Variants in SYTL3 observed in about 807,000 individuals in gnomAD.
The protein encoded by SYTL3 is synaptotagmin like 3.
A neutral mutation model predicts 82.1 loss-of-function variants in SYTL3; 88 were observed. The ratio of observed to expected loss-of-function variants is 1.07; its 90% CI spans 0.90 to 1.28. The LOEUF (loss-of-function observed/expected upper bound fraction) is 1.28. Ranked by LOEUF, SYTL3 falls within the 50% of genes most tolerant of loss-of-function variation. The pLI is 0.00. For missense variants in SYTL3, 831 were observed against 757.6 expected, an observed-to-expected ratio of 1.10 and a Z score of -1.14; for synonymous variants, 311 against 289.4, an observed-to-expected ratio of 1.07 and a Z score of -0.76.
intron 2 of SYTL3, among the ~76,000 whole-genome samples, chr6:158,657,014 G>A (rs891502977): frequency 2.6e-5 from 4 of 152,182 alleles, no homozygotes; most frequent in African/African-American, 7.2e-5. Context: ...ATTTAAATCT[G>A]TAAAGGTTCA....
At chr6:158,710,514 CAA>C (rs36071364) in intron 8 of SYTL3, among the ~76,000 whole-genome samples, 125 of 145,292 alleles carry the variant, frequency 8.6e-4, no homozygotes, top group Admixed American at 1.8e-3. Context: ...AGTCAGTTTT[CAA>C]AAAAAAAAAA....
At chr6:158,731,794 C>T (rs1432199465) in intron 11 of SYTL3, among the ~76,000 whole-genome samples, 1 of 152,114 alleles carries the variant, frequency 6.6e-6, no homozygotes, top group Non-Finnish European at 1.5e-5. Flanking sequence ...GGGGTTTCAC[C>T]GTGTTAGCCA....
chr6:158,698,431 C>T (rs1054984666), intron 6 of SYTL3, among the ~76,000 whole-genome samples: 1 of 149,702 alleles, frequency 6.7e-6, no homozygotes, highest in Admixed American at 6.6e-5. Flanking sequence ...GACTCCTGCT[C>T]TAAAACCATT....
At chr6:158,671,443 A>G (rs1200539726) in intron 5 of SYTL3, among the ~76,000 whole-genome samples, 1 of 152,158 alleles carries the variant, frequency 6.6e-6, no homozygotes, top group Non-Finnish European at 1.5e-5. Flanking sequence ...TAGCCAAGAC[A>G]GTTTAGCATC....
chr6:158,762,690 G>T (rs900305504), intron 16 of SYTL3, among the ~76,000 whole-genome samples: 2 of 152,192 alleles, frequency 1.3e-5, no homozygotes, highest in African/African-American at 4.8e-5. Context: ...GCTGAGGCAG[G>T]TGGATCACCT....
At chr6:158,665,730 C>A in intron 5 of SYTL3, 117 bp downstream of exon 5, 1 of 708,136 alleles carries the variant, frequency 1.4e-6, no homozygotes, top group South Asian at 2.2e-5. Flanking sequence ...AAATGTGTAC[C>A]GAGTGCCTGA....
At chr6:158,658,938 AG>A (rs964956600) in intron 2 of SYTL3, among the ~76,000 whole-genome samples, 5 of 152,124 alleles carry the variant, frequency 3.3e-5, no homozygotes, top group African/African-American at 7.2e-5. Context: ...TCAAAAAAAG[AG>A]GGTATGTCTC....
At chr6:158,763,155 T>C in intron 16 of SYTL3, 149 bp from the exon 17 acceptor site, 1 of 740,276 alleles carries the variant, frequency 1.4e-6, no homozygotes, top group Non-Finnish European at 2.3e-6. Context: ...TGCCGAGTCC[T>C]GTGGTTCCCA....
chr6:158,729,571 T>C (rs1020886256), intron 11 of SYTL3, among the ~76,000 whole-genome samples: 11 of 149,292 alleles, frequency 7.4e-5, no homozygotes, highest in African/African-American at 2.2e-4. Context: ...TTTTTCTTTT[T>C]TTTTTTTTTT....
rs180863611 is a variant in SYTL3 at position 158,761,530 on chromosome 6, G to A, written c.1415-546G>A. On this transcript the variant is annotated intron_variant, in intron 15 of 17. Transcript: ENST00000611299. ...TCACCATGTTAGCCAGGATGGTCTC[G>A]ATCTCCTGACCTCATGATCCGCCCA... Among the ~76,000 whole-genome samples, 24 of 151,944 alleles carry A rather than the reference G, an allele frequency of 1.6e-4. No individual in the cohort carries two copies. In the East Asian group the frequency reaches 4.3e-3, roughly 27 times the overall value.
intron 6 of SYTL3, among the ~76,000 whole-genome samples, chr6:158,695,898 AT>A (rs1780509026): frequency 1.3e-5 from 2 of 152,190 alleles, no homozygotes; most frequent in Non-Finnish European, 2.9e-5. Context: ...TGTGTCATGG[AT>A]ATACCATGCT....
rs575358067 is a variant in SYTL3 at position 158,693,855 on chromosome 6, C to CTTTTTTTTTTTTT, written c.394+10872_394+10884dup. Among the ~76,000 whole-genome samples, 5 of 96,858 alleles carry CTTTTTTTTTTTTT rather than the reference C, an allele frequency of 5.2e-5. 1 individual carries two copies. The highest frequency in any genetic ancestry group is 2.1e-4 in the African/African-American group (4 of 18,620). 63.5% of individuals were successfully genotyped at this position (96,858 alleles called of 152,430 possible). A position where few individuals can be genotyped will look rare whatever the true frequency, so the allele number is the denominator to read the frequency against. ...TGCATCCAGCCTTTCTTTTTCTTTT[C>CTTTTTTTTTTTTT]TTTTTTTTTTTTTTTTTTGTAGATA... On this transcript the variant is annotated intron_variant, in intron 6 of 17. Transcript: ENST00000611299.
chr6:158,730,880 T>G (rs1229574677), intron 11 of SYTL3, among the ~76,000 whole-genome samples: 2 of 151,674 alleles, frequency 1.3e-5, no homozygotes, highest in Non-Finnish European at 2.9e-5. Context: ...AGGGGGCGGG[T>G]CGGGGTGGGG....
At chr6:158,647,687 G>A (rs1329093961), upstream of SYTL3, among the ~76,000 whole-genome samples, 1 of 152,244 alleles carries the variant, frequency 6.6e-6, no homozygotes, top group African/African-American at 2.4e-5. Context: ...TGCCACGAAT[G>A]GATGTCCATC....
intron 10 of SYTL3, among the ~76,000 whole-genome samples, chr6:158,724,207 T>C (rs73018217): frequency 0.092 from 13,940 of 152,194 alleles, 838 homozygotes; most frequent in African/African-American, 0.17. Flanking sequence ...TCTTCTCTCT[T>C]CCTCCCCTTC....
At chr6:158,760,568 A>G in intron 14 of SYTL3, 72 bp from the exon 15 acceptor site, 1 of 1,360,610 alleles carries the variant, frequency 7.3e-7, no homozygotes, top group South Asian at 1.2e-5. Flanking sequence ...CGAAGCTGAG[A>G]CAACCAGAGG....
intron 11 of SYTL3, among the ~76,000 whole-genome samples, chr6:158,739,009 C>T (rs2128502238): frequency 6.6e-6 from 1 of 152,318 alleles, no homozygotes; most frequent in Non-Finnish European, 1.5e-5. Context: ...CACCTTTCCC[C>T]TCCCACTCAC....
chr6:158,758,482 A>G (rs1273952072), intron 14 of SYTL3, among the ~76,000 whole-genome samples: 1 of 150,730 alleles, frequency 6.6e-6, no homozygotes, highest in Non-Finnish European at 1.5e-5. Flanking sequence ...CCCCTCAGCC[A>G]AGGGCCCACG....
intron 3 of SYTL3, among the ~76,000 whole-genome samples, chr6:158,662,420 G>A (rs1328650323): frequency 3.3e-5 from 5 of 152,172 alleles, no homozygotes; most frequent in Admixed American, 2.6e-4. Flanking sequence ...CATTTTTTGA[G>A]TGTTGAAGTT....
Sources: gnomAD v4.1 joint callset for allele counts (sites outside exome capture counted in the v4.1 genomes callset) on GRCh38, gnomAD v4.1.1 for gene constraint, MANE v1.5 for transcripts, NCBI Gene and HGNC (gene_info 2026-07-23, HGNC 2026-07-21) for gene names.